Variants in ROBO2 observed in about 807,000 individuals in gnomAD.
The protein encoded by ROBO2 is roundabout homolog 2.
ROBO2 carries 53 observed loss-of-function variants against 160.8 expected under a neutral mutation model. The ratio of observed to expected loss-of-function variants is 0.33; its 90% CI spans 0.26 to 0.41. The LOEUF (loss-of-function observed/expected upper bound fraction) is 0.41, where lower values mean the gene tolerates loss of function less well. ROBO2 is among the 10% of genes least tolerant of loss of function. The probability of loss-of-function intolerance (pLI) is 1.00; values close to 1 mark genes in which losing one functional copy is unlikely to be tolerated. For missense variants in ROBO2, 1,577 were observed against 1,722.4 expected, an observed-to-expected ratio of 0.92 and a Z score of 1.49; for synonymous variants, 664 against 611.7, an observed-to-expected ratio of 1.09 and a Z score of -1.26.
chr3:76,160,163 G>T (rs13096638), intron 2 of ROBO2, among the ~76,000 whole-genome samples: 39,147 of 151,866 alleles, frequency 0.26, 6,181 homozygotes, highest in Non-Finnish European at 0.35. Context: ...ACATTGGTAC[G>T]GCCTTTGCTC....
In ROBO2 at chr3:75,932,588, T is replaced by A. The variant is rs113177304; in HGVS notation, c.-13-4893T>A. On this transcript the variant is annotated intron_variant, in intron 1 of 26. Coordinates refer to the ROBO2 transcript ENST00000487694. ...GTGTTATTCAGAAGCAGAACGTTTA[T>A]GCACTACACTTTGGGAGGGAGAAGT... Among the ~76,000 whole-genome samples the A allele has an allele frequency of 3.4e-3, 522 of 152,350 alleles. 2 individuals carry two copies. Among genetic ancestry groups the A allele is most frequent in the African/African-American group, 0.012 (509 of 41,588 alleles).
At chr3:77,605,625 T>A (rs1315121535) in intron 20 of ROBO2, among the ~76,000 whole-genome samples, 1 of 152,178 alleles carries the variant, frequency 6.6e-6, no homozygotes, top group Non-Finnish European at 1.5e-5. Flanking sequence ...AATGGCTTTC[T>A]TGAACTTTGG....
intron 2 of ROBO2, among the ~76,000 whole-genome samples, chr3:77,454,994 C>T (rs909816486): frequency 5.3e-5 from 8 of 151,806 alleles, no homozygotes; most frequent in Admixed American, 6.6e-5. Context: ...TAGGAGATGG[C>T]GAGAAAAAAT....
intron 2 of ROBO2, among the ~76,000 whole-genome samples, chr3:77,034,527 G>A (rs902753381): frequency 1.3e-5 from 2 of 151,862 alleles, no homozygotes; most frequent in African/African-American, 4.8e-5. Context: ...TAAAACCATA[G>A]ACAGTTCAAT....
At chr3:76,647,367 C>G (rs1479048865) in intron 2 of ROBO2, among the ~76,000 whole-genome samples, 2 of 152,120 alleles carry the variant, frequency 1.3e-5, no homozygotes, top group South Asian at 4.1e-4. Context: ...ACTAGTGCCC[C>G]CTATCGGCAG....
chr3:76,144,372 T>A (rs571788670), intron 2 of ROBO2, among the ~76,000 whole-genome samples: 1 of 152,116 alleles, frequency 6.6e-6, no homozygotes, highest in Non-Finnish European at 1.5e-5. Flanking sequence ...CATTTGTGAA[T>A]ACATTATAGC....
chr3:76,446,290 A>G (rs1040324571), intron 2 of ROBO2, among the ~76,000 whole-genome samples: 5 of 152,196 alleles, frequency 3.3e-5, no homozygotes, highest in Non-Finnish European at 2.9e-5. Flanking sequence ...CTCATTCACA[A>G]TTGCTTCAAA....
intron 1 of ROBO2, among the ~76,000 whole-genome samples, chr3:77,067,984 C>T (rs572543332): frequency 4.9e-4 from 75 of 152,080 alleles, no homozygotes; most frequent in South Asian, 3.5e-3. Context: ...TTCTAAATCA[C>T]GTCTAAGTCT....
intron 7 of ROBO2, among the ~76,000 whole-genome samples, chr3:77,546,690 A>G (rs1448757915): frequency 2.6e-5 from 4 of 152,156 alleles, no homozygotes; most frequent in African/African-American, 9.6e-5. Flanking sequence ...TAGAACAGCA[A>G]TAAAGCAGTG....
At position 77,112,096 on chromosome 3, in the gene ROBO2, C is replaced by A. The variant is rs565242773; in HGVS notation, c.388+13756C>A. On this transcript the variant is annotated intron_variant, in intron 2 of 25. Coordinates refer to ENST00000461745, the Ensembl canonical transcript of ROBO2. ...GGTGTAGCGGTGCTCACCTGTAGTC[C>A]CAGCTAGTCGGGAAGAGCCCAGGAG... is the stretch of plus-strand genomic sequence containing the variant. Among the ~76,000 whole-genome samples the A allele has an allele frequency of 7.5e-4, 114 of 151,154 alleles. 1 individual carries two copies. The highest frequency in any genetic ancestry group is 1.2e-4 in the Non-Finnish European group (8 of 67,834).
intron 2 of ROBO2, among the ~76,000 whole-genome samples, chr3:77,193,469 A>G (rs111510609): frequency 0.19 from 27,989 of 148,700 alleles, 3,147 homozygotes; most frequent in Middle Eastern, 0.29. Flanking sequence ...TTTTAAAGAC[A>G]GGGTCTTGCT....
At chr3:77,150,715 A>G (rs932610880) in intron 2 of ROBO2, among the ~76,000 whole-genome samples, 1 of 151,482 alleles carries the variant, frequency 6.6e-6, no homozygotes, top group African/African-American at 2.4e-5. Context: ...TGAATAAAAT[A>G]TTGGAATGAG....
Position 76,831,130 on chromosome 3 carries a change from A to G in ROBO2, c.110-266884A>G, listed in dbSNP as rs117699102. 9.4e-4 allele frequency among the ~76,000 whole-genome samples: 143 copies of G among 152,296 alleles called. 1 individual carries two copies. In the East Asian group the frequency reaches 0.027, roughly 29 times the overall value. ...CTTCTTCAATGAATTTTTGAGTCCA[A>G]TTACCACAGGCTATATTCAAAATAA... is the stretch of plus-strand genomic sequence containing the variant. On this transcript the variant is annotated intron_variant, in intron 2 of 26. Coordinates refer to the ROBO2 transcript ENST00000487694.
chr3:76,382,556 C>T (rs1360720458), intron 2 of ROBO2, among the ~76,000 whole-genome samples: 1 of 152,220 alleles, frequency 6.6e-6, no homozygotes, highest in African/African-American at 2.4e-5. Context: ...CCCTGCACTC[C>T]AGCCTGGGCG....
At chr3:77,060,883 A>G (rs2066230776) in intron 1 of ROBO2, among the ~76,000 whole-genome samples, 1 of 152,176 alleles carries the variant, frequency 6.6e-6, no homozygotes, top group South Asian at 2.1e-4. Context: ...TGACTTAAAC[A>G]TCTAGCAGAG....
chr3:77,563,616 G>A (rs1159123254), intron 11 of ROBO2, among the ~76,000 whole-genome samples: 1 of 152,106 alleles, frequency 6.6e-6, no homozygotes, highest in African/African-American at 2.4e-5. Flanking sequence ...GGGATTTAAG[G>A]TGAGAATTTA....
At chr3:77,546,311 C>T in intron 6 of ROBO2, 27 bp from the exon 8 acceptor site, 2 of 1,611,506 alleles carry the variant, frequency 1.2e-6, no homozygotes, top group South Asian at 1.1e-5. Context: ...TTGATATTTA[C>T]ACGCTTTCTT....
chr3:77,427,993 A>G (rs1473554073), intron 2 of ROBO2, among the ~76,000 whole-genome samples: 1 of 152,196 alleles, frequency 6.6e-6, no homozygotes, highest in Non-Finnish European at 1.5e-5. Context: ...TTTCATTAAA[A>G]ATGTGGCATT....
At chr3:76,985,575 GAAAAAAAAAAAAAA>G (rs532632866) in intron 2 of ROBO2, among the ~76,000 whole-genome samples, 8 of 26,358 alleles carry the variant, frequency 3.0e-4, no homozygotes, top group African/African-American at 9.1e-4. Context: ...GACTCCGTCT[GAAAAAAAAAAAAAA>G]AAAAAAAAAA....
Sources: gnomAD v4.1 joint callset for allele counts (sites outside exome capture counted in the v4.1 genomes callset) on GRCh38, gnomAD v4.1.1 for gene constraint, MANE v1.5 for transcripts, NCBI Gene and HGNC (gene_info 2026-07-23, HGNC 2026-07-21) for gene names.